The following GAS2L3 variants were observed in gnomAD, a reference collection of about 807,000 sequenced individuals.
GAS2L3 encodes the protein growth arrest specific 2 like 3.
In GAS2L3, 28 loss-of-function variants were observed where a neutral mutation model predicts 37.0. The observed-to-expected ratio is 0.76, with a 90% CI of 0.56 to 1.04. GAS2L3 has a LOEUF of 1.04. Ranked by LOEUF, GAS2L3 falls within the 50% of genes least tolerant of loss-of-function variation. GAS2L3 has a pLI of 0.00. For missense variants in GAS2L3, 793 were observed against 817.6 expected (o/e 0.97, Z 0.37); for synonymous variants, 290 against 296.6 (o/e 0.98, Z 0.23).
chr12:100,602,659 T>C (rs1464191212), intron 5 of GAS2L3, among the ~76,000 whole-genome samples: 1 of 151,718 alleles, frequency 6.6e-6, no homozygotes, highest in Non-Finnish European at 1.5e-5. Flanking sequence ...ATTGTACTCT[T>C]TTAGTTATTT....
rs985108503 is a variant in GAS2L3 at position 100,627,281 on chromosome 12, T to G, written c.*2391T>G. ...ATGTTGTTTTGTTTTGTTTTGTTTT[T>G]TTCCTTTTTTGAGACGGAGTTTCAC... On this transcript the variant is annotated 3_prime_UTR_variant, in exon 10 of 10. Coordinates refer to ENST00000547754, the MANE Select transcript of GAS2L3 (RefSeq NM_174942.3). Among the ~76,000 whole-genome samples the G allele has an allele frequency of 1.3e-5, 2 of 152,076 alleles. No homozygotes were observed. Among genetic ancestry groups the G allele is most frequent in the Admixed American group, 6.6e-5 (1 of 15,250 alleles).
chr12:100,618,557 A>T lies in GAS2L3; in HGVS notation c.618A>T (p.Ser206=), dbSNP rs1956216213. ...AAGATTCCATCAGCATTCCAAAATC[A>T]TGCTGTCGGCATGAAGAGCTACATG... The part of the protein sequence containing the change: ...GPEDSISIPK[S]CCRHEELHEA... The change falls in exon 8 of 10, where the codon TCA becomes TCT. Residue 206 remains serine, a synonymous_variant. Coordinates refer to ENST00000547754, the MANE Select transcript of GAS2L3 (RefSeq NM_174942.3). 1 of 1,612,216 alleles carries T rather than the reference A, an allele frequency of 6.2e-7. No individual in the cohort carries two copies. The highest frequency in any genetic ancestry group is 8.5e-7 in the Non-Finnish European group (1 of 1,179,264).
intron 1 of GAS2L3, chr12:100,579,863 A>AAT: frequency 4.0e-6 from 3 of 746,932 alleles, no homozygotes; most frequent in Non-Finnish European, 7.4e-6. Flanking sequence ...TGCTGGCTCC[A>AAT]GAAAATATCC....
At chr12:100,622,215 A>G in intron 8 of GAS2L3, 60 bp from the exon 9 acceptor site, 1 of 923,336 alleles carries the variant, frequency 1.1e-6, no homozygotes, top group Admixed American at 2.1e-5. Context: ...AAATAATATT[A>G]CACTTTAAAC....
intron 5 of GAS2L3, among the ~76,000 whole-genome samples, chr12:100,605,410 G>A (rs907730138): frequency 6.6e-6 from 1 of 151,508 alleles, no homozygotes; most frequent in Non-Finnish European, 1.5e-5. Context: ...CTGACTTAAG[G>A]TCTGTCAATT....
At chr12:100,619,092 G>C (rs1956222649) in intron 8 of GAS2L3, among the ~76,000 whole-genome samples, 1 of 152,034 alleles carries the variant, frequency 6.6e-6, no homozygotes, top group South Asian at 2.1e-4. Flanking sequence ...GAGTGTTTGT[G>C]TGTGAGAGAG....
intron 2 of GAS2L3, chr12:100,593,996 A>C (rs937157084): frequency 1.8e-4 from 28 of 152,228 alleles, no homozygotes; most frequent in Admixed American, 1.4e-3. Context: ...GACACTGTGC[A>C]TGAGGTATGT....
rs1489817219 is a variant in GAS2L3, at chr12:100,624,353, G to T, written c.1548G>T (p.Gln516His). The T allele has an allele frequency of 6.2e-7, 1 of 1,613,896 alleles. No individual in the cohort carries two copies. Among genetic ancestry groups the T allele is most frequent in the South Asian group, 1.1e-5 (1 of 91,068 alleles). Residue 516 changes from glutamine (Q) to histidine (H), a missense_variant, in exon 10 of 10, where the codon CAG becomes CAT. Coordinates refer to ENST00000547754, the MANE Select transcript of GAS2L3 (RefSeq NM_174942.3). ...NIPVRPKPSF[Q>H]SSAKMTKTSS... The stretch of plus-strand genomic sequence containing the variant: ...CTGTAAGACCTAAACCTTCTTTCCA[G>T]TCCTCTGCAAAAATGACAAAAACCA...
chr12:100,593,514 T>C (rs1268746643), intron 2 of GAS2L3: 3 of 152,166 alleles, frequency 2.0e-5, no homozygotes, highest in Non-Finnish European at 4.4e-5. Flanking sequence ...TTGTGATAGC[T>C]TCTTTGTGAA....
intron 7 of GAS2L3, 58 bp from the exon 8 acceptor site, chr12:100,618,391 G>T: frequency 6.6e-7 from 1 of 1,516,818 alleles, no homozygotes; most frequent in South Asian, 1.3e-5. Flanking sequence ...ATCTTGATAT[G>T]CAGGCAAGTA....
At chr12:100,587,102 A>C (rs887998449) in intron 1 of GAS2L3, among the ~76,000 whole-genome samples, 46 of 152,328 alleles carry the variant, frequency 3.0e-4, no homozygotes, top group African/African-American at 1.1e-3. Flanking sequence ...CCAACAAAAA[A>C]GAAGTCCAGG....
intron 8 of GAS2L3, among the ~76,000 whole-genome samples, chr12:100,621,022 A>C (rs934759841): frequency 9.2e-5 from 14 of 152,122 alleles, no homozygotes; most frequent in Non-Finnish European, 1.9e-4. Context: ...TTGTTAAATA[A>C]ATGATATAGG....
At chr12:100,594,978 G>T in intron 3 of GAS2L3, 56 bp downstream of exon 3, 1 of 775,880 alleles carries the variant, frequency 1.3e-6, no homozygotes. Context: ...TAATTGAACT[G>T]TAATAATTAG....
intron 5 of GAS2L3, among the ~76,000 whole-genome samples, chr12:100,604,967 C>A (rs1438950549): frequency 6.6e-6 from 1 of 151,826 alleles, no homozygotes; most frequent in Non-Finnish European, 1.5e-5. Flanking sequence ...TGATGAATAA[C>A]CTTTTAAATG....
chr12:100,594,915 C>A lies in GAS2L3; in HGVS notation c.11C>A (p.Ala4Glu). 1 of 1,353,368 alleles carries A rather than the reference C, an allele frequency of 7.4e-7. No homozygotes were observed. The highest frequency in any genetic ancestry group is 1.0e-6 in the Non-Finnish European group (1 of 992,622). The allele number at this position is 1,353,368 out of a possible 1,614,324, so 83.8% of individuals were successfully genotyped here. Residue 4 changes from alanine (A) to glutamate (E), a missense_variant, in exon 3 of 10, where the codon GCA becomes GAA. Physicochemically the swap from Ala to Glu is moderately radical, Grantham distance 107. Transcript: ENST00000547754. MQPAIQVWFGEDLP... is the reference protein window; with the variant it reads MQPEIQVWFGEDLP... ...TCAATATAGGTGACTATGCAGCCTGCAATTCAAGTAAGTTTTTTTCTTGGA... is the reference window on the plus strand; with the variant it reads ...TCAATATAGGTGACTATGCAGCCTGAAATTCAAGTAAGTTTTTTTCTTGGA...
intron 3 of GAS2L3, among the ~76,000 whole-genome samples, chr12:100,597,937 C>G (rs1216966424): frequency 2.0e-5 from 3 of 151,974 alleles, no homozygotes; most frequent in Non-Finnish European, 2.9e-5. Context: ...ATTCCTTTTA[C>G]TTACAGTTCT....
intron 1 of GAS2L3, 155 bp downstream of exon 1, chr12:100,573,940 C>T (rs1017053709): frequency 3.3e-5 from 5 of 152,326 alleles, no homozygotes; most frequent in African/African-American, 1.2e-4. Flanking sequence ...GGAGCCAGTA[C>T]GCTCTGCGTT....
At chr12:100,601,186 G>T (rs1340498907) in intron 4 of GAS2L3, among the ~76,000 whole-genome samples, 1 of 151,992 alleles carries the variant, frequency 6.6e-6, no homozygotes, top group Non-Finnish European at 1.5e-5. Context: ...CACTGTAGTT[G>T]TCTATTATCA....
chr12:100,623,672 A>T lies in GAS2L3; in HGVS notation c.867A>T (p.Glu289Asp). The change falls in exon 10 of 10, where the codon GAA becomes GAT. Residue 289 changes from glutamate (E) to aspartate (D), a missense_variant. By Grantham distance (45) the Glu-to-Asp change is conservative. Coordinates refer to ENST00000547754, the MANE Select transcript of GAS2L3 (RefSeq NM_174942.3). Reference sequence around the variant, plus strand: ...GAATATTACAGTTTGCCACATTAGAACAAAAAATTTTAGCATTTCAAAAAG... The same window carrying T: ...GAATATTACAGTTTGCCACATTAGATCAAAAAATTTTAGCATTTCAAAAAG... ...PCRILQFATL[E>D]QKILAFQKGV... 1 of 1,614,108 alleles carries T rather than the reference A, an allele frequency of 6.2e-7. No individual in the cohort carries two copies. Among genetic ancestry groups the T allele is most frequent in the African/African-American group, 1.3e-5 (1 of 75,042 alleles).
Sources: allele counts gnomAD v4.1 joint callset (sites outside exome capture counted in the v4.1 genomes callset), GRCh38; gene constraint gnomAD v4.1.1; transcripts MANE v1.5; gene names NCBI Gene and HGNC (gene_info 2026-07-23, HGNC 2026-07-21).